ABR: variants seen among roughly 807,000 people sequenced by gnomAD.
The protein encoded by ABR is active breakpoint cluster region-related protein.
In ABR, 35 loss-of-function variants were observed where a neutral mutation model predicts 107.2. That is an observed-to-expected ratio of 0.33 (90% confidence interval 0.25 to 0.43). The LOEUF (loss-of-function observed/expected upper bound fraction) is 0.43. ABR is among the 20% of genes least tolerant of loss of function. The probability of loss-of-function intolerance (pLI) is 1.00; values close to 1 mark genes in which losing one functional copy is unlikely to be tolerated. For missense variants in ABR, 815 were observed against 1,115.2 expected, an observed-to-expected ratio of 0.73 and a Z score of 3.83; for synonymous variants, 498 against 462.0, an observed-to-expected ratio of 1.08 and a Z score of -1.00.
At chr17:1,012,860 A>G (rs913028676) in intron 17 of ABR, 63 bp from the exon 18 acceptor site, 1 of 1,388,988 alleles carries the variant, frequency 7.2e-7, no homozygotes, top group Non-Finnish European at 1.0e-6. Flanking sequence ...AATGCCCCCA[A>G]AACACAGGGG....
intron 1 of ABR, among the ~76,000 whole-genome samples, chr17:1,174,367 G>C (rs181099730): frequency 6.6e-6 from 1 of 152,340 alleles, no homozygotes. Context: ...TAGCACACAC[G>C]GAGGGGTCTG....
intron 1 of ABR, among the ~76,000 whole-genome samples, chr17:1,222,284 C>T (rs1419252608): frequency 2.0e-5 from 3 of 152,058 alleles, no homozygotes; most frequent in East Asian, 1.9e-4. Flanking sequence ...AGGCTGGTCT[C>T]GAACTCCTGA....
intron 2 of ABR, among the ~76,000 whole-genome samples, chr17:1,112,924 A>AC (rs56192805): frequency 0.53 from 59,908 of 112,356 alleles, 13,806 homozygotes; most frequent in East Asian, 0.6. Context: ...GCATTTGTTA[A>AC]CGCCTGACCC....
Position 1,078,919 on chromosome 17 carries a change from ACCAGCAGCCCGGCCACTCAGCCAC to A in ABR, c.700+387_700+410del. ...CATCGCTCCAGGCTCCCCGGCGCCC[ACCAGCAGCCCGGCCACTCAGCCAC>A]CTTGCTGATGCTGCCGCACGGACTC... On this transcript the variant is annotated intron_variant, in intron 6 of 22. Transcript: ENST00000302538. This position sits in a 1 kb window ranked among gnomAD's most constrained non-coding sequence, Gnocchi z 7.5. 6.5e-7 allele frequency: 1 copy of A among 1,532,414 alleles called. No individual in the cohort carries two copies. The highest frequency in any genetic ancestry group is 8.7e-7 in the Non-Finnish European group (1 of 1,144,888). 94.9% of individuals were successfully genotyped at this position (1,532,414 alleles called of 1,614,324 possible). A position where few individuals can be genotyped will look rare whatever the true frequency, so the allele number is the denominator to read the frequency against.
rs116565810 is a variant in ABR at position 1,169,221 on chromosome 17, T to C, written c.61+10446A>G. 5.4e-3 allele frequency among the ~76,000 whole-genome samples: 819 copies of C among 152,332 alleles called. 9 individuals carry two copies. Among genetic ancestry groups the C allele is most frequent in the African/African-American group, 0.019 (772 of 41,576 alleles). On this transcript the variant is annotated intron_variant, in intron 1 of 22. Transcript: ENST00000302538. ...TGAGCAGAGGAGGGCAGAGAAGACC[T>C]GGTGCGTCCCCCTCAGGGTGCCCCC...
intron 1 of ABR, among the ~76,000 whole-genome samples, chr17:1,205,617 C>T (rs1279304644): frequency 1.3e-5 from 2 of 152,142 alleles, no homozygotes; most frequent in Non-Finnish European, 2.9e-5. Context: ...TGAGACCAGC[C>T]TGGACAACAT....
intron 16 of ABR, among the ~76,000 whole-genome samples, chr17:1,040,260 G>A (rs1313995540): frequency 6.6e-6 from 1 of 152,190 alleles, no homozygotes; most frequent in African/African-American, 2.4e-5. Context: ...GGGGGTCAGA[G>A]GGAGGGAAGT....
intron 16 of ABR, among the ~76,000 whole-genome samples, chr17:1,031,288 G>C (rs1270951416): frequency 1.3e-5 from 2 of 152,190 alleles, no homozygotes; most frequent in African/African-American, 4.8e-5. Context: ...TAGACCCAGA[G>C]GCAGGCGTCT....
intron 1 of ABR, among the ~76,000 whole-genome samples, chr17:1,172,291 CG>C (rs1238404103): frequency 6.6e-6 from 1 of 152,178 alleles, no homozygotes; most frequent in Non-Finnish European, 1.5e-5. Context: ...AGCCTCCATA[CG>C]GGGGTGCCTT....
chr17:1,042,648 A>G (rs1403777226), intron 16 of ABR, among the ~76,000 whole-genome samples: 1 of 151,652 alleles, frequency 6.6e-6, no homozygotes, highest in Non-Finnish European at 1.5e-5. Flanking sequence ...ACAGAAGGAC[A>G]AACAGACGTG....
chr17:1,220,693 G>A (rs2043104779), intron 1 of ABR, among the ~76,000 whole-genome samples: 1 of 152,146 alleles, frequency 6.6e-6, no homozygotes, highest in African/African-American at 2.4e-5. Context: ...CTTGCAATGG[G>A]TTCCTCAAAA....
intron 1 of ABR, among the ~76,000 whole-genome samples, chr17:1,136,292 G>C (rs1211494987): frequency 6.6e-6 from 1 of 152,154 alleles, no homozygotes; most frequent in East Asian, 1.9e-4. Context: ...GCAATGGCGC[G>C]ATCTCAGCTC....
Position 1,011,185 on chromosome 17 carries a change from C to G in ABR, c.2102-322G>C, listed in dbSNP as rs778999520. 5.7e-6 allele frequency: 2 copies of G among 351,858 alleles called. No individual in the cohort carries two copies. Among genetic ancestry groups the G allele is most frequent in the Admixed American group, 4.2e-5 (1 of 23,652 alleles). 21.8% of individuals were successfully genotyped at this position (351,858 alleles called of 1,614,324 possible). A position where few individuals can be genotyped will look rare whatever the true frequency, so the allele number is the denominator to read the frequency against. On this transcript the variant is annotated intron_variant, in intron 19 of 22. Coordinates refer to ENST00000302538, the MANE Select transcript of ABR (RefSeq NM_021962.5). This position sits in a 1 kb window ranked among gnomAD's most constrained non-coding sequence, Gnocchi z 4.8. ...TTCCTTCCGACTGGAACCTCTCCAT[C>G]GCTAAGCCCCTCTCTGGAAGGCATT...
At position 1,150,566 on chromosome 17, in the gene ABR, C is replaced by T. The variant is rs1339619981; in HGVS notation, c.62-25199G>A. On this transcript the variant is annotated intron_variant, in intron 1 of 22. Transcript: ENST00000302538. The surrounding 1 kb of genome is among the most constrained non-coding windows in gnomAD (Gnocchi z 4.8). ...GAGGACGGGCCCCGGGCATGGCAAG[C>T]GCACTGCCCCCTCTCACTCCTCCGG... Among the ~76,000 whole-genome samples the T allele has an allele frequency of 6.6e-6, 1 of 152,196 alleles. No individual in the cohort carries two copies.
At chr17:1,012,385 C>T (rs1007521869) in intron 18 of ABR, 25 of 661,100 alleles carry the variant, frequency 3.8e-5, no homozygotes, top group East Asian at 9.0e-5. Context: ...CGCCAGTCCC[C>T]GTTGGTGCCG....
intron 22 of ABR, among the ~76,000 whole-genome samples, chr17:1,006,737 C>T (rs1411815772): frequency 6.6e-6 from 1 of 152,082 alleles, no homozygotes; most frequent in African/African-American, 2.4e-5. Flanking sequence ...GCTGGTCTCA[C>T]CCTCCGCCAG....
At chr17:1,008,050 G>A (rs1325091925) in intron 21 of ABR, among the ~76,000 whole-genome samples, 4 of 151,882 alleles carry the variant, frequency 2.6e-5, no homozygotes, top group African/African-American at 9.7e-5. Flanking sequence ...TCTCCGGAAG[G>A]GTCTGCCTCA....
chr17:1,050,546 C>G lies in ABR; in HGVS notation c.1650G>C (p.Lys550Asn). 1.9e-6 allele frequency: 3 copies of G among 1,614,046 alleles called. No individual in the cohort carries two copies. The highest frequency in any genetic ancestry group is 2.5e-6 in the Non-Finnish European group (3 of 1,179,982). Residue 550 changes from lysine to asparagine, a missense_variant, in exon 15 of 23, where the codon AAG becomes AAC. Physicochemically the swap from Lys to Asn is moderately conservative, Grantham distance 94. Coordinates refer to ENST00000302538, the MANE Select transcript of ABR (RefSeq NM_021962.5). This position sits in a 1 kb window ranked among gnomAD's most constrained non-coding sequence, Gnocchi z 4.6. ...TRVFRDTAEP[K>N]WDEEFEIELE... Reference sequence around the variant, plus strand: ...AGCCCCTGCCACTCACCTCATCCCACTTGGGCTCCGCTGTGTCCCGGAACA... The same window carrying G: ...AGCCCCTGCCACTCACCTCATCCCAGTTGGGCTCCGCTGTGTCCCGGAACA...
At chr17:1,049,026 C>T (rs1274981564) in intron 16 of ABR, among the ~76,000 whole-genome samples, 1 of 152,200 alleles carries the variant, frequency 6.6e-6, no homozygotes, top group African/African-American at 2.4e-5. Flanking sequence ...CCTTTTCCCG[C>T]TCCCAAGCCT....
Sources: allele counts gnomAD v4.1 joint callset (sites outside exome capture counted in the v4.1 genomes callset), GRCh38; gene constraint gnomAD v4.1.1; non-coding constraint Gnocchi (gnomAD v3.1); transcripts MANE v1.5; gene names NCBI Gene and HGNC (gene_info 2026-07-23, HGNC 2026-07-21).